ZNF473: variants seen among roughly 807,000 people sequenced by gnomAD.
The protein encoded by ZNF473 is zinc finger protein 473, also known as zinc finger protein 100 homolog.
Under a neutral mutation model 11.1 loss-of-function variants are expected in ZNF473, and 4 were observed. The ratio of observed to expected loss-of-function variants is 0.36; its 90% CI spans 0.18 to 0.82. ZNF473 has a LOEUF of 0.82. Ranked by LOEUF, ZNF473 falls within the 40% of genes least tolerant of loss-of-function variation. The probability of loss-of-function intolerance (pLI) is 0.49; values close to 1 mark genes in which losing one functional copy is unlikely to be tolerated. For missense variants in ZNF473, 854 were observed against 1,084.0 expected (o/e 0.79, Z 2.98); for synonymous variants, 404 against 390.4 (o/e 1.03, Z -0.41).
At chr19:50,027,358 G>T (rs2077291259) in intron 1 of ZNF473, among the ~76,000 whole-genome samples, 1 of 152,130 alleles carries the variant, frequency 6.6e-6, no homozygotes, top group African/African-American at 2.4e-5. Context: ...TAGATCTGTT[G>T]TATTTGTTCC....
At position 50,044,756 on chromosome 19, in the gene ZNF473, G is replaced by A; in HGVS notation, c.313G>A (p.Asp105Asn). ...GGAGATTATAGAGATGTTATCCAAGGATGGCTTCTGGAACTCCAATTTCGG... is the reference window on the plus strand; with the variant it reads ...GGAGATTATAGAGATGTTATCCAAGAATGGCTTCTGGAACTCCAATTTCGG... ...SQEIIEMLSKDGFWNSNFGEA... is the reference protein window; with the variant it reads ...SQEIIEMLSKNGFWNSNFGEA... The change falls in exon 5 of 5, where the codon GAT (aspartate) becomes AAT (asparagine). Residue 105 changes from aspartate (D) to asparagine (N), a missense_variant. By Grantham distance (23) the Asp-to-Asn change is conservative. Around this residue, in one of 2 missense-constraint regions of ZNF473, gnomAD observed 668 missense variants for 790.2 expected, o/e 0.85. Transcript: ENST00000270617. The A allele has an allele frequency of 6.2e-7, 1 of 1,614,204 alleles. No homozygotes were observed. Among genetic ancestry groups the A allele is most frequent in the African/African-American group, 1.3e-5 (1 of 75,054 alleles).
chr19:50,044,959 T>C lies in ZNF473; in HGVS notation c.516T>C (p.Asn172=), dbSNP rs775773811. The change falls in exon 5 of 5, where the codon AAT becomes AAC. Residue 172 remains asparagine (N), a synonymous_variant. Coordinates refer to ENST00000270617, the MANE Select transcript of ZNF473 (RefSeq NM_015428.4). The part of the protein sequence containing the change: ...VSTGEDSMVH[N]VSEKTLTPAK... ...CGGGAGAAGATTCCATGGTGCATAATGTTTCTGAAAAGACCCTCACACCAG... is the reference window on the plus strand; with the variant it reads ...CGGGAGAAGATTCCATGGTGCATAACGTTTCTGAAAAGACCCTCACACCAG... 1 of 1,614,236 alleles carries C rather than the reference T, an allele frequency of 6.2e-7. No individual in the cohort carries two copies. Among genetic ancestry groups the C allele is most frequent in the Non-Finnish European group, 8.5e-7 (1 of 1,180,042 alleles).
intron 2 of ZNF473, among the ~76,000 whole-genome samples, chr19:50,032,393 C>T (rs992537023): frequency 3.1e-4 from 47 of 152,006 alleles, no homozygotes; most frequent in African/African-American, 1.1e-3. Context: ...TCATGATCTG[C>T]AGGTGTGACT....
chr19:50,044,781 G>A lies in ZNF473; in HGVS notation c.338G>A (p.Gly113Glu). The change falls in exon 5 of 5, where the codon GGA becomes GAA. Residue 113 changes from glycine to glutamate, a missense_variant. Transcript: ENST00000270617. Reference sequence around the variant, plus strand: ...GATGGCTTCTGGAACTCCAATTTCGGAGAAGCCTGTATAGAGGACACCTGG... The same window carrying A: ...GATGGCTTCTGGAACTCCAATTTCGAAGAAGCCTGTATAGAGGACACCTGG... ...SKDGFWNSNF[G>E]EACIEDTWLD... is the part of the protein sequence containing the mutation. 1 of 1,614,224 alleles carries A rather than the reference G, an allele frequency of 6.2e-7. No individual in the cohort carries two copies. The highest frequency in any genetic ancestry group is 8.5e-7 in the Non-Finnish European group (1 of 1,180,034).
chr19:50,040,864 G>T (rs558795283), intron 3 of ZNF473, among the ~76,000 whole-genome samples: 1 of 152,314 alleles, frequency 6.6e-6, no homozygotes, highest in African/African-American at 2.4e-5. Flanking sequence ...GAAGCATCTC[G>T]TGGGAGGTCC....
chr19:50,031,224 C>T (rs2122803699), intron 2 of ZNF473, 133 bp downstream of exon 2: 1 of 1,266,810 alleles, frequency 7.9e-7, no homozygotes, highest in East Asian at 2.5e-5. Flanking sequence ...GCTGGCCTTC[C>T]TTTGTTTTGG....
chr19:50,035,487 G>GTGTGTGTA (rs1978373793), intron 2 of ZNF473, among the ~76,000 whole-genome samples: 1 of 151,622 alleles, frequency 6.6e-6, no homozygotes, highest in Non-Finnish European at 1.5e-5. Context: ...GTGTGTGTGT[G>GTGTGTGTA]TGTTTGGCTG....
At chr19:50,035,754 A>G (rs1379736462) in intron 2 of ZNF473, among the ~76,000 whole-genome samples, 1 of 152,102 alleles carries the variant, frequency 6.6e-6, no homozygotes. Context: ...GCCTTATTTT[A>G]GAGAAGAGGC....
intron 1 of ZNF473, among the ~76,000 whole-genome samples, chr19:50,028,628 G>C (rs1398156997): frequency 1.3e-5 from 2 of 152,048 alleles, no homozygotes; most frequent in African/African-American, 2.4e-5. Context: ...TAGCACTGGT[G>C]GGGGAGCTTT....
At chr19:50,036,463 G>A (rs892382566) in intron 2 of ZNF473, among the ~76,000 whole-genome samples, 14 of 150,220 alleles carry the variant, frequency 9.3e-5, no homozygotes, top group African/African-American at 1.5e-4. Context: ...ACAGGTGCCC[G>A]CCACCATGCC....
At chr19:50,031,493 C>T (rs1358706728) in intron 2 of ZNF473, among the ~76,000 whole-genome samples, 5 of 152,170 alleles carry the variant, frequency 3.3e-5, no homozygotes, top group East Asian at 1.9e-4. Context: ...AGGTTGGGCC[C>T]TCTGCTGGAA....
At chr19:50,038,257 AAAT>A (rs2122829021) in intron 2 of ZNF473, among the ~76,000 whole-genome samples, 1 of 150,216 alleles carries the variant, frequency 6.7e-6, no homozygotes, top group African/African-American at 2.4e-5. Flanking sequence ...ACACACACAT[AAAT>A]AATAATAAAC....
chr19:50,029,827 C>G (rs1338298423), intron 1 of ZNF473, among the ~76,000 whole-genome samples: 1 of 151,924 alleles, frequency 6.6e-6, no homozygotes, highest in Non-Finnish European at 1.5e-5. Context: ...TTTAGTTACA[C>G]TGTGTGTTTG....
intron 4 of ZNF473, 155 bp downstream of exon 4, chr19:50,041,974 G>A (rs1978804024): frequency 1.8e-6 from 1 of 562,964 alleles, no homozygotes; most frequent in African/African-American, 2.0e-5. Context: ...CCCTTGTCCT[G>A]GGAGCTGGGG....
chr19:50,045,900 C>T lies in ZNF473; in HGVS notation c.1457C>T (p.Pro486Leu), dbSNP rs189702692. 1.2e-6 allele frequency: 2 copies of T among 1,614,130 alleles called. No homozygotes were observed. The highest frequency in any genetic ancestry group is 2.2e-5 in the East Asian group (1 of 44,882). Residue 486 changes from proline to leucine, a missense_variant, in exon 5 of 5, where the codon CCC becomes CTC. By Grantham distance (98) the Pro-to-Leu change is moderately conservative. Transcript: ENST00000270617. The stretch of plus-strand genomic sequence containing the variant: ...CAGGCCATTCACACCGCAGAAAAGC[C>T]CTATAGCTGTGCTGAATGCAAGGAG... The part of the protein sequence containing the change: ...RHQAIHTAEK[P>L]YSCAECKETF...
intron 1 of ZNF473, among the ~76,000 whole-genome samples, chr19:50,029,035 A>T (rs2077302680): frequency 6.6e-6 from 1 of 152,252 alleles, no homozygotes; most frequent in Non-Finnish European, 1.5e-5. Context: ...TTTAAATATA[A>T]CTTTAAATTA....
Position 50,044,941 on chromosome 19 carries a change from A to C in ZNF473, c.498A>C (p.Glu166Asp). ...LSPVSTVSTG[E>D]DSMVHNVSEK... ...CTGTGTCCACCGTTTCCACGGGAGA[A>C]GATTCCATGGTGCATAATGTTTCTG... is the stretch of plus-strand genomic sequence containing the variant. The change falls in exon 5 of 5, where the codon GAA becomes GAC. Residue 166 changes from glutamate (E) to aspartate (D), a missense_variant. Glu to Asp is a conservative substitution (Grantham distance 45). Around this residue, in one of 2 missense-constraint regions of ZNF473, gnomAD observed 668 missense variants for 790.2 expected, o/e 0.85. Transcript: ENST00000270617. 1 of 1,614,234 alleles carries C rather than the reference A, an allele frequency of 6.2e-7. No individual in the cohort carries two copies. Among genetic ancestry groups the C allele is most frequent in the Non-Finnish European group, 8.5e-7 (1 of 1,180,038 alleles).
At chr19:50,041,201 A>G (rs1482661075) in intron 3 of ZNF473, 1 of 152,286 alleles carries the variant, frequency 6.6e-6, no homozygotes, top group Non-Finnish European at 1.5e-5. Context: ...TGCTTGACTC[A>G]TGGCTTCTCA....
At chr19:50,044,537 A>G in intron 4 of ZNF473, 133 bp from the exon 5 acceptor site, 1 of 688,644 alleles carries the variant, frequency 1.5e-6, no homozygotes, top group Non-Finnish European at 2.5e-6. Context: ...GTTTTCTGTG[A>G]TGCCAGTTCC....
Sources: allele counts gnomAD v4.1 joint callset (sites outside exome capture counted in the v4.1 genomes callset), GRCh38; gene constraint gnomAD v4.1.1; regional missense constraint gnomAD v4.1.1; transcripts MANE v1.5; gene names NCBI Gene and HGNC (gene_info 2026-07-23, HGNC 2026-07-21).